The following KRT71 variants were observed in gnomAD, a reference collection of about 807,000 sequenced individuals.
KRT71 encodes keratin 71.
In KRT71, 42 loss-of-function variants were observed where a neutral mutation model predicts 46.2. That is an observed-to-expected ratio of 0.91 (90% CI 0.71 to 1.18). The LOEUF is 1.18. Ranked by LOEUF, KRT71 falls within the 50% of genes most tolerant of loss-of-function variation. The pLI is 0.00. For missense variants in KRT71, 708 were observed against 677.9 expected, an observed-to-expected ratio of 1.04 and a Z score of -0.49; for synonymous variants, 292 against 277.8, an observed-to-expected ratio of 1.05 and a Z score of -0.51.
intron 6 of KRT71, among the ~76,000 whole-genome samples, chr12:52,546,945 G>A (rs4761927): frequency 0.38 from 58,450 of 152,098 alleles, 13,950 homozygotes; most frequent in Middle Eastern, 0.54. Flanking sequence ...GGGAGCAACC[G>A]TTATTTGCCA....
At position 52,545,564 on chromosome 12, in the gene KRT71, C is replaced by T; in HGVS notation, c.1360+1G>A. ...TTAGGTGAAAGTATACAAATACTTA[C>T]AGATGCTGACAGGGGAGGGAAATTC... On this transcript the variant is annotated splice_donor_variant, in intron 8 of 8. Transcript: ENST00000267119. LOFTEE classifies it high-confidence loss of function. The T allele has an allele frequency of 6.4e-7, 1 of 1,554,654 alleles. No homozygotes were observed. The highest frequency in any genetic ancestry group is 2.3e-5 in the East Asian group (1 of 44,310).
rs761176597 is a variant in KRT71 at position 52,552,742 on chromosome 12, C to G, written c.336G>C (p.Leu112=). The G allele has an allele frequency of 9.3e-6, 15 of 1,614,006 alleles. No individual in the cohort carries two copies. In the East Asian group the frequency reaches 1.8e-4, roughly 19 times the overall value. ...IHQVTVNESL[L]APLNVELDPE... ...GGTCCAGCTCCACGTTGAGGGGGGC[C>G]AGGAGGCTCTCATTGACGGTAACCT... Residue 112 remains leucine (L), a synonymous_variant, in exon 1 of 9, where the codon CTG becomes CTC. Transcript: ENST00000267119.
chr12:52,550,256 T>A lies in KRT71; in HGVS notation c.442-13A>T. 1 of 1,613,872 alleles carries A rather than the reference T, an allele frequency of 6.2e-7. No homozygotes were observed. Among genetic ancestry groups the A allele is most frequent in the Non-Finnish European group, 8.5e-7 (1 of 1,179,988 alleles). Reference sequence around the variant, plus strand: ...CCAGGAACCGCACCTGGAACCCAGATCCCAGAAACTGCTGAACCCTTGCAG... The same window carrying A: ...CCAGGAACCGCACCTGGAACCCAGAACCCAGAAACTGCTGAACCCTTGCAG... On this transcript the variant is annotated splice_polypyrimidine_tract_variant and intron_variant, in intron 1 of 8. Transcript: ENST00000267119.
In KRT71 at chr12:52,545,588, TCTC is replaced by T; in HGVS notation, c.1334_1336del (p.Gly445del). 1 of 1,548,684 alleles carries T rather than the reference TCTC, an allele frequency of 6.5e-7. No individual in the cohort carries two copies. ...ACAGATGCTGACAGGGGAGGGAAAT[TCTC>T]CTGACATCCTATTAAGGAGAGAAAT... On this transcript the variant is annotated inframe_deletion, in exon 8 of 9. Transcript: ENST00000267119.
rs1939060043 is a variant in KRT71, at chr12:52,546,481, G to C, written c.1130C>G (p.Ala377Gly). 1 of 1,614,054 alleles carries C rather than the reference G, an allele frequency of 6.2e-7. No individual in the cohort carries two copies. Among genetic ancestry groups the C allele is most frequent in the African/African-American group, 1.3e-5 (1 of 74,944 alleles). Residue 377 changes from alanine (A) to glycine (G), a missense_variant, in exon 7 of 9, where the codon GCT (alanine) becomes GGT (glycine). Ala to Gly is a moderately conservative substitution (Grantham distance 60). Transcript: ENST00000267119. ...KQASNLETAI[A>G]DAEQRGDNAL... ...GTTGTCTCCCCGCTGCTCAGCATCA[G>C]CGATGGCTGTCTCCAGGTTGGAAGC... is the stretch of plus-strand genomic sequence containing the variant.
In KRT71 at chr12:52,547,502, A is replaced by G. The variant is rs988982876; in HGVS notation, c.1104+355T>C. ...GTGCTAGATGCTGGGGAAACAGGGT[A>G]CAAAGCAGCCAGCTCCCTGCCCCCT... On this transcript the variant is annotated intron_variant, in intron 6 of 8. Coordinates refer to ENST00000267119, the MANE Select transcript of KRT71 (RefSeq NM_033448.3). 2.6e-5 allele frequency among the ~76,000 whole-genome samples: 4 copies of G among 152,334 alleles called. No individual in the cohort carries two copies. The South Asian group carries it at 6.2e-4, about 24-fold the overall frequency.
intron 5 of KRT71, 51 bp from the exon 6 acceptor site, chr12:52,548,033 T>TCA (rs1939087771): frequency 1.2e-6 from 2 of 1,609,346 alleles, no homozygotes; most frequent in Non-Finnish European, 1.7e-6. Context: ...AGTGCATGTA[T>TCA]CTTGGGATCA....
At chr12:52,547,501 T>C (rs955775234) in intron 6 of KRT71, among the ~76,000 whole-genome samples, 10 of 152,128 alleles carry the variant, frequency 6.6e-5, no homozygotes, top group African/African-American at 2.4e-4. Flanking sequence ...GGAAACAGGG[T>C]ACAAAGCAGC....
chr12:52,547,035 C>G (rs1939069631), intron 6 of KRT71, among the ~76,000 whole-genome samples: 1 of 152,194 alleles, frequency 6.6e-6, no homozygotes, highest in South Asian at 2.1e-4. Context: ...CCTTGCAACA[C>G]CCTGTGAAGT....
At position 52,545,595 on chromosome 12, in the gene KRT71, A is replaced by G; in HGVS notation, c.1330T>C (p.Ser444Pro). Residue 444 changes from serine to proline, a missense_variant, in exon 8 of 9, where the codon TCA (serine) becomes CCA (proline). Ser to Pro is a moderately conservative substitution (Grantham distance 74). Transcript: ENST00000267119. Reference sequence around the variant, plus strand: ...CTGACAGGGGAGGGAAATTCTCCTGACATCCTATTAAGGAGAGAAATAAAA... The same window carrying G: ...CTGACAGGGGAGGGAAATTCTCCTGGCATCCTATTAAGGAGAGAAATAAAA... ...KLLESEECRM[S>P]GEFPSPVSIS... 8.5e-6 allele frequency: 13 copies of G among 1,535,084 alleles called. No individual in the cohort carries two copies. The highest frequency in any genetic ancestry group is 1.2e-5 in the Non-Finnish European group (13 of 1,112,068).
At position 52,552,760 on chromosome 12, in the gene KRT71, G is replaced by T; in HGVS notation, c.318C>A (p.Thr106=). The change falls in exon 1 of 9, where the codon ACC becomes ACA. Residue 106 remains threonine (T), a synonymous_variant. Coordinates refer to ENST00000267119, the MANE Select transcript of KRT71 (RefSeq NM_033448.3). ...GGGGGGCCAGGAGGCTCTCATTGACGGTAACCTGGTGGATGCCTCCAGGTG... is the reference window on the plus strand; with the variant it reads ...GGGGGGCCAGGAGGCTCTCATTGACTGTAACCTGGTGGATGCCTCCAGGTG... ...VCPPGGIHQV[T]VNESLLAPLN... is the part of the protein sequence containing the mutation. 1 of 1,614,156 alleles carries T rather than the reference G, an allele frequency of 6.2e-7. No individual in the cohort carries two copies. The highest frequency in any genetic ancestry group is 8.5e-7 in the Non-Finnish European group (1 of 1,179,994).
Position 52,544,277 on chromosome 12 carries a change from G to C in KRT71, c.*255C>G. On this transcript the variant is annotated 3_prime_UTR_variant, in exon 9 of 9. Transcript: ENST00000267119. ...AAAGCTGGCAGCCAGGACCTGGGCT[G>C]GTGGTGTAGCTGGGGGACCACAGCC... 1 of 560,858 alleles carries C rather than the reference G, an allele frequency of 1.8e-6. No homozygotes were observed. The highest frequency in any genetic ancestry group is 3.1e-5 in the Admixed American group (1 of 32,590). The allele number at this position is 560,858 out of a possible 1,614,324, so 34.7% of individuals were successfully genotyped here.
rs762413567 is a variant in KRT71 at position 52,552,658 on chromosome 12, C to T, written c.420G>A (p.Lys140=). The T allele has an allele frequency of 1.2e-6, 2 of 1,611,798 alleles. No individual in the cohort carries two copies. The highest frequency in any genetic ancestry group is 2.2e-5 in the East Asian group (1 of 44,852). ...EREQIKALNN[K]FASFIDKVRF... ...CCACCTTGTCGATGAAGGAGGCGAA[C>T]TTGTTGTTCAGAGCCTTGATCTGCT... Residue 140 remains lysine, a synonymous_variant, in exon 1 of 9, where the codon AAG becomes AAA. Coordinates refer to ENST00000267119, the MANE Select transcript of KRT71 (RefSeq NM_033448.3).
chr12:52,551,111 C>T (rs1173182810), intron 1 of KRT71, among the ~76,000 whole-genome samples: 2 of 152,226 alleles, frequency 1.3e-5, no homozygotes, highest in Non-Finnish European at 2.9e-5. Flanking sequence ...ATGTGATCTA[C>T]GAGGCTGAGC....
rs1433787129 is a variant in KRT71, at chr12:52,548,779, G to A, written c.735C>T (p.Tyr245=). Residue 245 remains tyrosine (Y), a synonymous_variant, in exon 4 of 9, where the codon TAC becomes TAT. Transcript: ENST00000267119. The part of the protein sequence containing the change: ...VLLKKDVDAA[Y]ANKVELQAKV... ...TGGCCTGCAGTTCCACCTTATTGGC[G>A]TAAGCAGCATCCACATCCTGAAAGA... 4.3e-6 allele frequency: 7 copies of A among 1,614,164 alleles called. No individual in the cohort carries two copies. The highest frequency in any genetic ancestry group is 1.1e-5 in the South Asian group (1 of 91,068).
chr12:52,546,632 T>C (rs1289922333), intron 6 of KRT71, 126 bp from the exon 7 acceptor site: 1 of 906,490 alleles, frequency 1.1e-6, no homozygotes, highest in Non-Finnish European at 1.6e-6. Flanking sequence ...CCATCACACT[T>C]CCTTGCAGCA....
intron 4 of KRT71, 111 bp from the exon 5 acceptor site, chr12:52,548,427 A>T: frequency 1.6e-6 from 2 of 1,267,062 alleles, no homozygotes; most frequent in Non-Finnish European, 2.2e-6. Flanking sequence ...GCTGGAACCC[A>T]AGGCTGCTGC....
chr12:52,552,949 A>G lies in KRT71; in HGVS notation c.129T>C (p.Phe43=). ...CCAGGCTGTAGAGGCTCCGGCTGCC[A>G]AAGCCCCCACTGAGCCCTTTGCTCC... ...RAGSKGLSGG[F]GSRSLYSLGG... is the part of the protein sequence containing the mutation. Residue 43 remains phenylalanine (F), a synonymous_variant, in exon 1 of 9, where the codon TTT becomes TTC. Transcript: ENST00000267119. 6.2e-7 allele frequency: 1 copy of G among 1,614,130 alleles called. No individual in the cohort carries two copies. The highest frequency in any genetic ancestry group is 1.1e-5 in the South Asian group (1 of 91,082).
chr12:52,553,042 G>A lies in KRT71; in HGVS notation c.36C>T (p.Ala12=), dbSNP rs780415292. The part of the protein sequence containing the change: ...SRQFTCKSGA[A]AKGGFSGCSA... Reference sequence around the variant, plus strand: ...AGCAGCCACTGAAGCCCCCCTTGGCGGCAGCTCCCGACTTGCAGGTGAATT... The same window carrying A: ...AGCAGCCACTGAAGCCCCCCTTGGCAGCAGCTCCCGACTTGCAGGTGAATT... Residue 12 remains alanine (A), a synonymous_variant, in exon 1 of 9, where the codon GCC becomes GCT. Transcript: ENST00000267119. 49 of 1,596,162 alleles carry A rather than the reference G, an allele frequency of 3.1e-5. No individual in the cohort carries two copies. Among genetic ancestry groups the A allele is most frequent in the East Asian group, 4.5e-5 (2 of 44,620 alleles).
Sources: allele counts gnomAD v4.1 joint callset (sites outside exome capture counted in the v4.1 genomes callset), GRCh38; gene constraint gnomAD v4.1.1; transcripts MANE v1.5; gene names NCBI Gene and HGNC (gene_info 2026-07-23, HGNC 2026-07-21).